Variants in SBF2 observed in about 807,000 individuals in gnomAD.
SBF2 encodes myotubularin-related protein 13.
A neutral mutation model predicts 225.2 loss-of-function variants in SBF2; 112 were observed. That is an observed-to-expected ratio of 0.50 (90% CI 0.43 to 0.58). The LOEUF (loss-of-function observed/expected upper bound fraction) is 0.58, where lower values mean the gene tolerates loss of function less well. SBF2 is among the 20% of genes least tolerant of loss of function. The probability of loss-of-function intolerance (pLI) is 0.00; values close to 1 mark genes in which losing one functional copy is unlikely to be tolerated. For missense variants in SBF2, 1,996 were observed against 2,206.2 expected (o/e 0.90, Z 1.91); for synonymous variants, 763 against 773.3 (o/e 0.99, Z 0.22).
rs186502436 is a variant in SBF2, at chr11:9,997,647, G to A, written c.975+619C>T. ...CAAAAAATTAGCCGGGCGTGGTGGC[G>A]GGCGCCTGCAGTCCCAGCTACTCGG... On this transcript the variant is annotated intron_variant, in intron 9 of 39. Transcript: ENST00000256190. 3.9e-3 allele frequency among the ~76,000 whole-genome samples: 589 copies of A among 152,232 alleles called. 3 individuals carry two copies. The highest frequency in any genetic ancestry group is 0.011 in the African/African-American group (464 of 41,548).
chr11:10,297,241 G>T (rs1223578622), upstream of SBF2, among the ~76,000 whole-genome samples: 1 of 146,664 alleles, frequency 6.8e-6, no homozygotes, highest in East Asian at 2.0e-4. Context: ...TTATTTTTAT[G>T]TAGAGATGTT....
intron 32 of SBF2, among the ~76,000 whole-genome samples, chr11:9,802,393 CAGTTCTAATTTA>C (rs1221632931): frequency 1.3e-5 from 2 of 152,204 alleles, no homozygotes; most frequent in African/African-American, 4.8e-5. Context: ...TATGATGAGG[CAGTTCTAATTTA>C]AGTTCAGTGC....
chr11:10,289,121 A>G (rs537619769), intron 1 of SBF2, among the ~76,000 whole-genome samples: 70 of 152,300 alleles, frequency 4.6e-4, no homozygotes, highest in Non-Finnish European at 7.6e-4. Context: ...CGCTGACCTA[A>G]GTGTGTACAC....
intron 3 of SBF2, among the ~76,000 whole-genome samples, chr11:10,038,245 C>T (rs1207575400): frequency 1.3e-5 from 2 of 151,840 alleles, no homozygotes; most frequent in Non-Finnish European, 2.9e-5. Context: ...ACTGAATGTC[C>T]CTAAGTAAGC....
At chr11:10,159,091 G>T (rs1955602230) in intron 2 of SBF2, among the ~76,000 whole-genome samples, 4 of 152,162 alleles carry the variant, frequency 2.6e-5, no homozygotes, top group Admixed American at 2.6e-4. Context: ...TCAGAGACAA[G>T]CAATTATGAA....
In SBF2 at chr11:10,075,186, T is replaced by A. The variant is rs183097410; in HGVS notation, c.142-32205A>T. Reference sequence around the variant, plus strand: ...TCTTGATCTGACTCTTAACTTAGGTTATAATTTTGGTAAATTACCTAATTT... The same window carrying A: ...TCTTGATCTGACTCTTAACTTAGGTAATAATTTTGGTAAATTACCTAATTT... On this transcript the variant is annotated intron_variant, in intron 2 of 39. Transcript: ENST00000256190. 6.6e-5 allele frequency among the ~76,000 whole-genome samples: 10 copies of A among 152,376 alleles called. No homozygotes were observed. In the East Asian group the frequency reaches 1.9e-3, roughly 29 times the overall value.
Position 10,019,467 on chromosome 11 carries a change from T to C in SBF2, c.619+8985A>G, listed in dbSNP as rs189142347. On this transcript the variant is annotated intron_variant, in intron 6 of 39. Coordinates refer to ENST00000256190, the MANE Select transcript of SBF2 (RefSeq NM_030962.4). Reference sequence around the variant, plus strand: ...AGATACAGTAAAATAGGGCACAAGATGCCATTATTAGTAATAGTTTAAAAT... The same window carrying C: ...AGATACAGTAAAATAGGGCACAAGACGCCATTATTAGTAATAGTTTAAAAT... Among the ~76,000 whole-genome samples the C allele has an allele frequency of 7.2e-5, 11 of 152,318 alleles. No individual in the cohort carries two copies. In the Middle Eastern group the frequency reaches 0.01, roughly 141 times the overall value.
chr11:10,063,325 A>AAT (rs1950512438), intron 2 of SBF2, among the ~76,000 whole-genome samples: 1 of 108,294 alleles, frequency 9.2e-6, no homozygotes, highest in Admixed American at 1.1e-4. Flanking sequence ...TAAAGTAAAA[A>AAT]AAATATATAT....
chr11:10,271,616 T>C (rs1259762920), intron 1 of SBF2, among the ~76,000 whole-genome samples: 2 of 137,304 alleles, frequency 1.5e-5, no homozygotes, highest in African/African-American at 5.0e-5. Context: ...AAATTTTTTA[T>C]GGAATAAATA....
chr11:10,261,176 A>T (rs1208010192), intron 1 of SBF2, among the ~76,000 whole-genome samples: 3 of 152,172 alleles, frequency 2.0e-5, no homozygotes, highest in Non-Finnish European at 4.4e-5. Flanking sequence ...TGATGAGATT[A>T]TAGAGTAACT....
intron 1 of SBF2, among the ~76,000 whole-genome samples, chr11:10,273,122 G>A (rs1323887535): frequency 6.6e-6 from 1 of 152,096 alleles, no homozygotes; most frequent in African/African-American, 2.4e-5. Flanking sequence ...AATCCCTGGA[G>A]TGAGCCTTTT....
intron 36 of SBF2, among the ~76,000 whole-genome samples, chr11:9,786,510 A>AG (rs1469187506): frequency 6.6e-6 from 1 of 152,146 alleles, no homozygotes; most frequent in Admixed American, 6.5e-5. Context: ...ATAGAGCCCC[A>AG]GATGTTCTTT....
intron 1 of SBF2, among the ~76,000 whole-genome samples, chr11:10,290,544 G>C (rs1180995736): frequency 1.3e-5 from 2 of 152,122 alleles, no homozygotes; most frequent in Non-Finnish European, 2.9e-5. Context: ...TGGGGTAGGG[G>C]GATGGAGGAG....
intron 16 of SBF2, among the ~76,000 whole-genome samples, chr11:9,905,806 A>G (rs921929064): frequency 1.7e-4 from 26 of 152,214 alleles, no homozygotes; most frequent in African/African-American, 6.3e-4. Context: ...ACCTCTGGAA[A>G]TGAATGTGTG....
chr11:9,982,210 C>G (rs1337567604), intron 13 of SBF2, among the ~76,000 whole-genome samples: 1 of 152,192 alleles, frequency 6.6e-6, no homozygotes, highest in African/African-American at 2.4e-5. Flanking sequence ...CAATGCAACT[C>G]CTGACCAGCT....
chr11:10,294,159 T>TGCAGCGGCAGTAGCG lies in SBF2; in HGVS notation c.-105_-91dup, dbSNP rs1210776368. Reference sequence around the variant, plus strand: ...GCCCGGGAGGGCTCAGCATTTTCCCTGCAGCGGCAGTAGCGGCAGCGGCAG... The same window carrying TGCAGCGGCAGTAGCG: ...GCCCGGGAGGGCTCAGCATTTTCCCTGCAGCGGCAGTAGCGGCAGCGGCAGTAGCGGCAGCGGCAG... On this transcript the variant is annotated 5_prime_UTR_variant, in exon 1 of 40. Transcript: ENST00000256190. 1.4e-5 allele frequency: 14 copies of TGCAGCGGCAGTAGCG among 1,005,114 alleles called. No homozygotes were observed. Among genetic ancestry groups the TGCAGCGGCAGTAGCG allele is most frequent in the African/African-American group, 6.8e-5 (4 of 59,042 alleles). The allele number at this position is 1,005,114 out of a possible 1,614,324, so 62.3% of individuals were successfully genotyped here. A position where few individuals can be genotyped will look rare whatever the true frequency, so the allele number is the denominator to read the frequency against.
rs752649372 is a variant in SBF2 at position 9,989,597 on chromosome 11, T to C, written c.1297-2A>G. On this transcript the variant is annotated splice_acceptor_variant, in intron 12 of 39. Transcript: ENST00000256190. LOFTEE classifies it high-confidence loss of function. ...TCTCTCTACTTCAAAGGCTACCAAC[T>C]AGGAAAAAGAATCAAATGGCAAAAC... 2 of 1,553,792 alleles carry C rather than the reference T, an allele frequency of 1.3e-6. No homozygotes were observed. The highest frequency in any genetic ancestry group is 1.8e-6 in the Non-Finnish European group (2 of 1,128,438).
At chr11:9,855,050 G>A (rs1257317528) in intron 19 of SBF2, among the ~76,000 whole-genome samples, 13 of 152,194 alleles carry the variant, frequency 8.5e-5, no homozygotes, top group Admixed American at 8.5e-4. Flanking sequence ...GTGGAATTAT[G>A]AGTAGTGAAG....
chr11:9,973,122 T>G (rs1946534842), intron 13 of SBF2, among the ~76,000 whole-genome samples: 1 of 152,218 alleles, frequency 6.6e-6, no homozygotes, highest in Non-Finnish European at 1.5e-5. Flanking sequence ...TTTGCTACCT[T>G]GAACCTAACT....
Sources: allele counts gnomAD v4.1 joint callset (sites outside exome capture counted in the v4.1 genomes callset), GRCh38; gene constraint gnomAD v4.1.1; transcripts MANE v1.5; gene names NCBI Gene and HGNC (gene_info 2026-07-23, HGNC 2026-07-21).